The following CADM2 variants were observed in gnomAD, a reference collection of about 807,000 sequenced individuals.
CADM2 encodes the protein cell adhesion molecule 2.
Under a neutral mutation model 49.8 loss-of-function variants are expected in CADM2, and 12 were observed. The observed-to-expected ratio is 0.24, with a 90% CI of 0.15 to 0.39. The LOEUF (loss-of-function observed/expected upper bound fraction) is 0.39. Among genes scored for constraint, CADM2 ranks in the 10% least tolerant of loss-of-function variants. The probability of loss-of-function intolerance (pLI) is 1.00; values close to 1 mark genes in which losing one functional copy is unlikely to be tolerated. For missense variants in CADM2, 378 were observed against 492.3 expected, an observed-to-expected ratio of 0.77 and a Z score of 2.20; for synonymous variants, 214 against 175.4, an observed-to-expected ratio of 1.22 and a Z score of -1.74.
At chr3:85,781,323 T>A (rs1217311688) in intron 2 of CADM2, among the ~76,000 whole-genome samples, 1 of 152,304 alleles carries the variant, frequency 6.6e-6, no homozygotes, top group East Asian at 1.9e-4. Context: ...TTTTATGAAC[T>A]TAGCATATAT....
chr3:85,490,461 A>G (rs1276083564), intron 1 of CADM2, among the ~76,000 whole-genome samples: 1 of 152,074 alleles, frequency 6.6e-6, no homozygotes, highest in Non-Finnish European at 1.5e-5. Flanking sequence ...GCTTACACCT[A>G]TAATACTAGC....
rs1042498683 is a variant in CADM2 at position 85,887,560 on chromosome 3, C to T, written c.529+1233C>T. Among the ~76,000 whole-genome samples, 8 of 151,982 alleles carry T rather than the reference C, an allele frequency of 5.3e-5. No homozygotes were observed. In the South Asian group the frequency reaches 1.7e-3, roughly 32 times the overall value. On this transcript the variant is annotated intron_variant, in intron 5 of 9. Transcript: ENST00000383699. The stretch of plus-strand genomic sequence containing the variant: ...AATTACTCTTTCTCTGCATATTTTT[C>T]CCAAAAAAGGTCCTTATCCATAATT...
intron 1 of CADM2, among the ~76,000 whole-genome samples, chr3:85,116,112 A>C (rs1480549134): frequency 6.6e-6 from 1 of 152,216 alleles, no homozygotes; most frequent in Non-Finnish European, 1.5e-5. Context: ...AGATTACTTG[A>C]GGTCAAGAGT....
At chr3:85,506,399 A>G (rs2040353483) in intron 1 of CADM2, among the ~76,000 whole-genome samples, 1 of 152,178 alleles carries the variant, frequency 6.6e-6, no homozygotes, top group Non-Finnish European at 1.5e-5. Context: ...GAATGTATGA[A>G]TTGGACCAGG....
intron 1 of CADM2, among the ~76,000 whole-genome samples, chr3:85,638,461 T>C (rs1183254780): frequency 6.6e-6 from 1 of 152,136 alleles, no homozygotes; most frequent in African/African-American, 2.4e-5. Context: ...CTCAAAGTTA[T>C]GATTTTTAGA....
intron 2 of CADM2, among the ~76,000 whole-genome samples, chr3:85,766,013 G>A (rs1171714466): frequency 6.6e-6 from 1 of 151,986 alleles, no homozygotes; most frequent in African/African-American, 2.4e-5. Flanking sequence ...ACCAGTTCCT[G>A]GTGTCTAAAT....
chr3:85,906,613 A>G (rs1445276107), intron 5 of CADM2, among the ~76,000 whole-genome samples: 3 of 152,154 alleles, frequency 2.0e-5, no homozygotes, highest in African/African-American at 7.2e-5. Flanking sequence ...AGGACTTTTA[A>G]AAATCTACCC....
intron 1 of CADM2, among the ~76,000 whole-genome samples, chr3:85,098,586 A>G (rs1465449781): frequency 6.6e-6 from 1 of 152,158 alleles, no homozygotes; most frequent in African/African-American, 2.4e-5. Flanking sequence ...GAGGACATCT[A>G]GTTTTATAAA....
chr3:85,607,660 T>TA (rs2063569955), intron 1 of CADM2, among the ~76,000 whole-genome samples: 1 of 146,812 alleles, frequency 6.8e-6, no homozygotes, highest in Admixed American at 6.8e-5. Context: ...AAATAATTAT[T>TA]TTTTTTTTTT....
intron 1 of CADM2, among the ~76,000 whole-genome samples, chr3:85,259,346 T>G (rs923602380): frequency 3.3e-5 from 5 of 152,040 alleles, no homozygotes; most frequent in Non-Finnish European, 7.4e-5. Context: ...ATTTAGAAGA[T>G]TTTTATTGCT....
chr3:86,052,542 T>G (rs1017690558), intron 8 of CADM2, among the ~76,000 whole-genome samples: 3 of 152,154 alleles, frequency 2.0e-5, no homozygotes, highest in Non-Finnish European at 4.4e-5. Context: ...AATTATATTT[T>G]ATGTATAACA....
chr3:85,681,186 G>C (rs2066030928), intron 1 of CADM2, among the ~76,000 whole-genome samples: 1 of 152,050 alleles, frequency 6.6e-6, no homozygotes, highest in Non-Finnish European at 1.5e-5. Context: ...TCCCTGACTG[G>C]CCACTATTAA....
chr3:85,688,931 A>G (rs78428873), intron 1 of CADM2, among the ~76,000 whole-genome samples: 1,596 of 152,228 alleles, frequency 0.01, 30 homozygotes, highest in African/African-American at 0.037. Context: ...TTTCATTCCT[A>G]TGTAGTTACC....
chr3:85,253,888 C>T (rs888176563), intron 1 of CADM2, among the ~76,000 whole-genome samples: 1 of 152,052 alleles, frequency 6.6e-6, no homozygotes, highest in Non-Finnish European at 1.5e-5. Flanking sequence ...CCTATTTTTA[C>T]ACACTACTCA....
At chr3:85,919,914 G>T (rs911590147) in intron 6 of CADM2, among the ~76,000 whole-genome samples, 2 of 151,842 alleles carry the variant, frequency 1.3e-5, no homozygotes, top group African/African-American at 4.8e-5. Context: ...TAATTCAGTT[G>T]TTCGTATCTT....
At chr3:85,405,526 C>T (rs962003363) in intron 1 of CADM2, among the ~76,000 whole-genome samples, 4 of 152,038 alleles carry the variant, frequency 2.6e-5, no homozygotes, top group African/African-American at 7.2e-5. Context: ...GACTCAGAAT[C>T]CTTAACAAAT....
chr3:85,477,010 C>A (rs769399973), intron 1 of CADM2, among the ~76,000 whole-genome samples: 10 of 149,928 alleles, frequency 6.7e-5, no homozygotes, highest in Admixed American at 2.0e-4. Flanking sequence ...TATAGAAATG[C>A]TCTTTAAGGA....
chr3:86,060,787 G>A (rs1738540698), intron 8 of CADM2, among the ~76,000 whole-genome samples: 1 of 152,012 alleles, frequency 6.6e-6, no homozygotes, highest in African/African-American at 2.4e-5. Context: ...TTCAAGGCCA[G>A]CCTCACCAAT....
chr3:85,875,685 C>T (rs1410447866), intron 3 of CADM2, among the ~76,000 whole-genome samples: 1 of 152,068 alleles, frequency 6.6e-6, no homozygotes, highest in Non-Finnish European at 1.5e-5. Flanking sequence ...CTGTTAGTGA[C>T]CAGCTTTGGA....
Sources: gnomAD v4.1 joint callset for allele counts (sites outside exome capture counted in the v4.1 genomes callset) on GRCh38, gnomAD v4.1.1 for gene constraint, MANE v1.5 for transcripts, NCBI Gene and HGNC (gene_info 2026-07-23, HGNC 2026-07-21) for gene names.